The following CELF2 variants were observed in gnomAD, a reference collection of about 807,000 sequenced individuals.
The protein encoded by CELF2 is CUG triplet repeat RNA-binding protein 2.
A neutral mutation model predicts 62.6 loss-of-function variants in CELF2; 8 were observed. The ratio of observed to expected loss-of-function variants is 0.13; its 90% CI spans 0.07 to 0.23. The LOEUF is 0.23. Among genes scored for constraint, CELF2 ranks in the 10% least tolerant of loss-of-function variants. The pLI, the probability that CELF2 is intolerant of heterozygous loss-of-function variation, is 1.00. For synonymous variants in CELF2, 258 were observed against 250.0 expected (o/e 1.03, Z -0.30); for missense variants, 333 against 671.0 (o/e 0.50, Z 5.56).
chr10:10,866,423 T>C (rs1047707543), intron 1 of CELF2, among the ~76,000 whole-genome samples: 3 of 151,530 alleles, frequency 2.0e-5, no homozygotes, highest in African/African-American at 7.3e-5. Context: ...CTGGCCAACA[T>C]GGTAAAACCC....
the CELF2 span, among the ~76,000 whole-genome samples, chr10:10,767,606 G>C: frequency 6.6e-6 from 1 of 152,336 alleles, no homozygotes; most frequent in East Asian, 1.9e-4. Context: ...TTGGTATGCA[G>C]TGGGGTTCAT....
chr10:10,564,830 A>G, the CELF2 span, among the ~76,000 whole-genome samples: 19 of 152,094 alleles, frequency 1.2e-4, no homozygotes, highest in Non-Finnish European at 2.6e-4. Flanking sequence ...GGCACACTCA[A>G]ACTACCTCCA....
the CELF2 span, among the ~76,000 whole-genome samples, chr10:10,785,729 T>C: frequency 6.6e-6 from 1 of 152,032 alleles, no homozygotes; most frequent in Non-Finnish European, 1.5e-5. Flanking sequence ...ATGGGAGGGA[T>C]GGGGGAAGAA....
At chr10:10,561,483 A>C in the CELF2 span, among the ~76,000 whole-genome samples, 2 of 152,218 alleles carry the variant, frequency 1.3e-5, no homozygotes, top group Non-Finnish European at 2.9e-5. Context: ...CCCTTTCTTC[A>C]TGGAGTTTAC....
Position 11,280,640 on chromosome 10 carries a change from G to A in CELF2, c.841+5520G>A, listed in dbSNP as rs1268220470. 1.3e-5 allele frequency among the ~76,000 whole-genome samples: 2 copies of A among 152,208 alleles called. No homozygotes were observed. The highest frequency in any genetic ancestry group is 2.4e-5 in the African/African-American group (1 of 41,442). On this transcript the variant is annotated intron_variant, in intron 8 of 12. Coordinates refer to ENST00000633077, the MANE Select transcript of CELF2 (RefSeq NM_001326342.2). This position sits in a 1 kb window ranked among gnomAD's most constrained non-coding sequence, Gnocchi z 7.6. ...ATTACTGTGGTGTGACAGAGCATGA[G>A]ATGGTCAGTAGCACCTAGAAGATCG...
chr10:11,308,013 CTTGTGTT>C (rs1354482804), intron 9 of CELF2, among the ~76,000 whole-genome samples: 8 of 152,272 alleles, frequency 5.3e-5, no homozygotes, highest in Admixed American at 1.3e-4. Flanking sequence ...AACAGCCTGT[CTTGTGTT>C]TTGTGTCTTG....
In CELF2 at chr10:11,324,363, C is replaced by T. The variant is rs142472017; in HGVS notation, c.1295-1473C>T. ...TACCACCCAGGATGTGCACACACAG[C>T]AGTGCTCAGAACATCCCTTTCCAGT... On this transcript the variant is annotated intron_variant, in intron 11 of 12. Transcript: ENST00000633077. This position sits in a 1 kb window ranked among gnomAD's most constrained non-coding sequence, Gnocchi z 4.7. Among the ~76,000 whole-genome samples the T allele has an allele frequency of 6.6e-5, 10 of 152,358 alleles. No individual in the cohort carries two copies. In the East Asian group the frequency reaches 1.9e-3, roughly 29 times the overall value.
chr10:10,734,599 T>A, the CELF2 span, among the ~76,000 whole-genome samples: 3 of 152,150 alleles, frequency 2.0e-5, no homozygotes, highest in Admixed American at 1.3e-4. Context: ...AACAACTAAT[T>A]GCAACTCAAG....
chr10:10,518,034 C>G, the CELF2 span, among the ~76,000 whole-genome samples: 1 of 152,208 alleles, frequency 6.6e-6, no homozygotes, highest in Non-Finnish European at 1.5e-5. Flanking sequence ...CACCCACCAT[C>G]TCCTTGAAAC....
chr10:10,542,860 T>A, the CELF2 span, among the ~76,000 whole-genome samples: 4 of 152,204 alleles, frequency 2.6e-5, no homozygotes, highest in Non-Finnish European at 5.9e-5. Flanking sequence ...AGCTGGCTTC[T>A]CTAGATAGTG....
the CELF2 span, among the ~76,000 whole-genome samples, chr10:10,692,148 C>T: frequency 6.1e-5 from 9 of 148,688 alleles, no homozygotes; most frequent in East Asian, 1.5e-3. Flanking sequence ...TTAGGTCTAA[C>T]GTTTAAGTCT....
intron 1 of CELF2, among the ~76,000 whole-genome samples, chr10:10,860,717 A>T (rs931030914): frequency 5.1e-4 from 77 of 152,242 alleles, no homozygotes; most frequent in Non-Finnish European, 1.1e-3. Flanking sequence ...ACAACGTGGC[A>T]GGCAGTATTT....
intron 8 of CELF2, among the ~76,000 whole-genome samples, chr10:11,286,530 C>G (rs1297057944): frequency 6.6e-6 from 1 of 152,236 alleles, no homozygotes; most frequent in Non-Finnish European, 1.5e-5. Flanking sequence ...AACATGCATT[C>G]ATGTGTTTGT....
At chr10:10,924,722 C>A (rs1364456796) in intron 2 of CELF2, among the ~76,000 whole-genome samples, 1 of 29,484 alleles carries the variant, frequency 3.4e-5, no homozygotes, top group Non-Finnish European at 5.8e-5. Context: ...GTAACTTGAT[C>A]GCTTTTTTTT....
chr10:11,201,211 T>C (rs561685677), intron 2 of CELF2, among the ~76,000 whole-genome samples: 1 of 152,376 alleles, frequency 6.6e-6, no homozygotes, highest in South Asian at 2.1e-4. Context: ...TGTTACTGTT[T>C]CACCTGTATT....
chr10:11,231,861 AAAAAAAT>A lies in CELF2; in HGVS notation c.354+14368_354+14374del, dbSNP rs1413915525. On this transcript the variant is annotated intron_variant, in intron 3 of 12. Transcript: ENST00000633077. ...TTTTACCTGCAGTGCACTCAAAGGC[AAAAAAAT>A]AAAAAATAAAAAAATAAATTAAAAT... is the stretch of plus-strand genomic sequence containing the variant. 1.2e-3 allele frequency among the ~76,000 whole-genome samples: 179 copies of A among 151,600 alleles called. 3 individuals are homozygous for A. Among genetic ancestry groups the A allele is most frequent in the Admixed American group, 9.6e-3 (146 of 15,276 alleles).
At position 11,010,469 on chromosome 10, in the gene CELF2, A is replaced by C. The variant is rs1424740353; in HGVS notation, c.53+5029A>C. Among the ~76,000 whole-genome samples, 1 of 152,230 alleles carries C rather than the reference A, an allele frequency of 6.6e-6. No individual in the cohort carries two copies. Among genetic ancestry groups the C allele is most frequent in the East Asian group, 1.9e-4 (1 of 5,202 alleles). ...GGGTGGGGGTGTTGAAATAAGGAAT[A>C]AAAATGAAACTTATTAACAATCTAC... On this transcript the variant is annotated intron_variant, in intron 1 of 12. Coordinates refer to the CELF2 transcript ENST00000416382. The surrounding 1 kb of genome is among the most constrained non-coding windows in gnomAD (Gnocchi z 4.1).
At chr10:10,498,568 C>T in the CELF2 span, among the ~76,000 whole-genome samples, 2 of 152,204 alleles carry the variant, frequency 1.3e-5, no homozygotes, top group African/African-American at 2.4e-5. Context: ...GAGTCCATCA[C>T]GCATGCCTTC....
At chr10:10,922,904 A>G (rs767158) in intron 2 of CELF2, 54,409 of 152,042 alleles carry the variant, frequency 0.36, 10,978 homozygotes, top group East Asian at 0.71. Flanking sequence ...CCATTGACAA[A>G]TATTTCCCTT....
Sources: allele counts gnomAD v4.1 joint callset (sites outside exome capture counted in the v4.1 genomes callset), GRCh38; gene constraint gnomAD v4.1.1; non-coding constraint Gnocchi (gnomAD v3.1); transcripts MANE v1.5; gene names NCBI Gene and HGNC (gene_info 2026-07-23, HGNC 2026-07-21).